The following SLC26A5 variants were observed in gnomAD, a reference collection of about 807,000 sequenced individuals.
The protein encoded by SLC26A5 is solute carrier family 26 member 5.
Under a neutral mutation model 81.0 loss-of-function variants are expected in SLC26A5, and 51 were observed. The observed-to-expected ratio is 0.63, with a 90% confidence interval of 0.50 to 0.80. SLC26A5 has a LOEUF of 0.80. Among genes scored for constraint, SLC26A5 ranks in the 30% least tolerant of loss-of-function variants. The pLI is 0.00. For synonymous variants in SLC26A5, 325 were observed against 332.8 expected (o/e 0.98, Z 0.25); for missense variants, 771 against 905.8 (o/e 0.85, Z 1.91).
chr7:103,413,518 G>GT (rs1289115067), intron 4 of SLC26A5, among the ~76,000 whole-genome samples: 2 of 152,118 alleles, frequency 1.3e-5, no homozygotes, highest in Admixed American at 6.5e-5. Context: ...CCTAACCTAT[G>GT]TAATGCTCCC....
chr7:103,427,522 C>T (rs1388098243), intron 2 of SLC26A5, among the ~76,000 whole-genome samples: 1 of 152,128 alleles, frequency 6.6e-6, no homozygotes, highest in Non-Finnish European at 1.5e-5. Context: ...TCAAAGTAGT[C>T]TTTAAACGGC....
chr7:103,374,596 T>C lies in SLC26A5; in HGVS notation c.2042-4A>G, dbSNP rs1169426623. 6.2e-7 allele frequency: 1 copy of C among 1,613,704 alleles called. No homozygotes were observed. On this transcript the variant is annotated splice_region_variant and splice_polypyrimidine_tract_variant and intron_variant, in intron 19 of 19. Coordinates refer to ENST00000306312, the MANE Select transcript of SLC26A5 (RefSeq NM_198999.3). Reference sequence around the variant, plus strand: ...GTGAGGTCATTCACAACTTGTGCTATTAAAAGAAGAAAAGAAAATTAGTCC... The same window carrying C: ...GTGAGGTCATTCACAACTTGTGCTACTAAAAGAAGAAAAGAAAATTAGTCC...
chr7:103,363,889 A>G (rs897526043), intron 19 of SLC26A5, among the ~76,000 whole-genome samples: 2 of 152,198 alleles, frequency 1.3e-5, no homozygotes, highest in Non-Finnish European at 2.9e-5. Context: ...AAGACTGGAT[A>G]ATGGAAGTGC....
Position 103,389,083 on chromosome 7 carries a change from AAGG to A in SLC26A5, c.1436_1438del (p.Ser479del), listed in dbSNP as rs1822434490. 1 of 1,613,746 alleles carries A rather than the reference AAGG, an allele frequency of 6.2e-7. No individual in the cohort carries two copies. On this transcript the variant is annotated inframe_deletion, in exon 14 of 20. Coordinates refer to ENST00000306312, the MANE Select transcript of SLC26A5 (RefSeq NM_198999.3). The stretch of plus-strand genomic sequence containing the variant: ...CAAACCATAGTCCAATCCCAGGAAC[AAGG>A]AGGACACAAAAGTGGTAAGCCAGAT...
intron 2 of SLC26A5, among the ~76,000 whole-genome samples, chr7:103,441,709 G>T (rs1038314350): frequency 6.6e-6 from 1 of 152,134 alleles, no homozygotes; most frequent in Non-Finnish European, 1.5e-5. Context: ...AGATGTTATC[G>T]TCTCTGGGGA....
At chr7:103,366,348 A>T (rs548556511) in intron 19 of SLC26A5, among the ~76,000 whole-genome samples, 1 of 152,358 alleles carries the variant, frequency 6.6e-6, no homozygotes, top group African/African-American at 2.4e-5. Context: ...GACACATTAT[A>T]TACCATTGTC....
chr7:103,359,248 T>C (rs1820234640), intron 19 of SLC26A5, among the ~76,000 whole-genome samples: 1 of 143,932 alleles, frequency 6.9e-6, no homozygotes, highest in Admixed American at 7.6e-5. Context: ...TCTGCCCACC[T>C]TGGCCTCCCA....
intron 2 of SLC26A5, among the ~76,000 whole-genome samples, chr7:103,427,561 G>C (rs1825789615): frequency 6.6e-6 from 1 of 152,086 alleles, no homozygotes; most frequent in Admixed American, 6.6e-5. Flanking sequence ...ATATTGCCAT[G>C]ATAAATATTT....
intron 15 of SLC26A5, 37 bp from the exon 16 acceptor site, chr7:103,379,372 A>G (rs1821606741): frequency 7.4e-7 from 1 of 1,344,530 alleles, no homozygotes; most frequent in African/African-American, 1.4e-5. Context: ...AACACATGGA[A>G]ATATTTCAGA....
At chr7:103,383,828 C>T (rs1426270307) in intron 14 of SLC26A5, among the ~76,000 whole-genome samples, 1 of 152,044 alleles carries the variant, frequency 6.6e-6, no homozygotes, top group African/African-American at 2.4e-5. Context: ...GGGTGCACCA[C>T]TACACCTTGC....
In SLC26A5 at chr7:103,399,106, T is replaced by A. The variant is rs570360610; in HGVS notation, c.889-1092A>T. Among the ~76,000 whole-genome samples, 3 of 152,266 alleles carry A rather than the reference T, an allele frequency of 2.0e-5. No individual in the cohort carries two copies. The East Asian group carries it at 5.8e-4, about 29-fold the overall frequency. On this transcript the variant is annotated intron_variant, in intron 8 of 19. Transcript: ENST00000306312. ...ATGCAAAACTCAAAAAATATTTTTA[T>A]AATAAAAAATAAATTTGACACTTAA...
intron 4 of SLC26A5, among the ~76,000 whole-genome samples, chr7:103,418,086 G>A (rs1825066102): frequency 6.6e-6 from 1 of 152,094 alleles, no homozygotes; most frequent in Admixed American, 6.6e-5. Context: ...TCCCTCAGGT[G>A]GTTGAAACAG....
At position 103,437,250 on chromosome 7, in the gene SLC26A5, A is replaced by G. The variant is rs145216227; in HGVS notation, c.-54+5833T>C. Among the ~76,000 whole-genome samples, 447 of 152,370 alleles carry G rather than the reference A, an allele frequency of 2.9e-3. 1 individual carries two copies. Among genetic ancestry groups the G allele is most frequent in the Non-Finnish European group, 4.5e-3 (309 of 68,036 alleles). On this transcript the variant is annotated intron_variant, in intron 2 of 19. Coordinates refer to ENST00000306312, the MANE Select transcript of SLC26A5 (RefSeq NM_198999.3). ...ACAATGATACATAATGTCACCTGTT[A>G]GAATGGCCTTCATCAAAAAGATGAA...
At chr7:103,378,216 A>C (rs1234729104) in intron 17 of SLC26A5, among the ~76,000 whole-genome samples, 1 of 152,200 alleles carries the variant, frequency 6.6e-6, no homozygotes, top group Non-Finnish European at 1.5e-5. Context: ...AAATCTGTTA[A>C]GGTATTGTGT....
chr7:103,445,074 A>G (rs182409242), intron 1 of SLC26A5: 2 of 152,328 alleles, frequency 1.3e-5, no homozygotes, highest in East Asian at 1.9e-4. Context: ...AAAAAGCTAA[A>G]TCTCAGTCTG....
chr7:103,434,518 CTTTTA>C (rs1226484079), intron 2 of SLC26A5, among the ~76,000 whole-genome samples: 3 of 151,980 alleles, frequency 2.0e-5, no homozygotes, highest in Non-Finnish European at 4.4e-5. Context: ...AATTTCTTAC[CTTTTA>C]TTTTCTTTGT....
intron 2 of SLC26A5, among the ~76,000 whole-genome samples, chr7:103,439,687 C>G (rs1826725766): frequency 6.6e-6 from 1 of 152,170 alleles, no homozygotes; most frequent in Non-Finnish European, 1.5e-5. Flanking sequence ...GCATGCGCAA[C>G]CATGCCCACC....
At position 103,367,866 on chromosome 7, in the gene SLC26A5, T is replaced by G. The variant is rs1820797682; in HGVS notation, c.2041+8942A>C. The G allele has an allele frequency of 6.2e-7, 1 of 1,612,104 alleles. No individual in the cohort carries two copies. The highest frequency in any genetic ancestry group is 8.5e-7 in the Non-Finnish European group (1 of 1,179,268). ...GTCTGTCTGCTCAGGCTGCTTTAATTAAGCCCGTTTATTTTCTTTTTGTTT... is the reference window on the plus strand; with the variant it reads ...GTCTGTCTGCTCAGGCTGCTTTAATGAAGCCCGTTTATTTTCTTTTTGTTT... On this transcript the variant is annotated intron_variant, in intron 19 of 19. Coordinates refer to the SLC26A5 transcript ENST00000339444. This position sits in a 1 kb window ranked among gnomAD's most constrained non-coding sequence, Gnocchi z 6.1.
rs539948205 is a variant in SLC26A5, at chr7:103,443,201, G to C, written c.-172C>G. 9.9e-5 allele frequency: 15 copies of C among 152,140 alleles called. No homozygotes were observed. Among genetic ancestry groups the C allele is most frequent in the Non-Finnish European group, 2.2e-4 (15 of 68,058 alleles). The allele number at this position is 152,140 out of a possible 1,614,324, so 9.4% of individuals were successfully genotyped here. ...CTGAGAGCAGGAGAAGGGAGAGCTCGCTCCTTGGCCCTATGTATAGAAGAA... is the reference window on the plus strand; with the variant it reads ...CTGAGAGCAGGAGAAGGGAGAGCTCCCTCCTTGGCCCTATGTATAGAAGAA... On this transcript the variant is annotated 5_prime_UTR_variant, in exon 2 of 20. Coordinates refer to ENST00000306312, the MANE Select transcript of SLC26A5 (RefSeq NM_198999.3).
Sources: gnomAD v4.1 joint callset for allele counts (sites outside exome capture counted in the v4.1 genomes callset) on GRCh38, gnomAD v4.1.1 for gene constraint, Gnocchi (gnomAD v3.1) non-coding constraint, MANE v1.5 for transcripts, NCBI Gene and HGNC (gene_info 2026-07-23, HGNC 2026-07-21) for gene names.